Variants in TCERG1L observed in about 807,000 individuals in gnomAD.
TCERG1L encodes the protein transcription elongation regulator 1 like.
A neutral mutation model predicts 56.3 loss-of-function variants in TCERG1L; 37 were observed. The ratio of observed to expected loss-of-function variants is 0.66; its 90% confidence interval spans 0.51 to 0.87. The LOEUF (loss-of-function observed/expected upper bound fraction) is 0.87. Among genes scored for constraint, TCERG1L ranks in the 40% least tolerant of loss-of-function variants. The pLI, the probability that TCERG1L is intolerant of heterozygous loss-of-function variation, is 0.00. For synonymous variants in TCERG1L, 324 were observed against 326.3 expected (o/e 0.99, Z 0.08); for missense variants, 799 against 774.2 (o/e 1.03, Z -0.38).
chr10:131,261,795 C>G (rs1846239096), intron 3 of TCERG1L, among the ~76,000 whole-genome samples: 1 of 152,120 alleles, frequency 6.6e-6, no homozygotes, highest in Non-Finnish European at 1.5e-5. Flanking sequence ...ACTTTCCAGG[C>G]CGGTGGGCAT....
In TCERG1L at chr10:131,154,594, G is replaced by T. The variant is rs577524531; in HGVS notation, c.1035-7934C>A. Among the ~76,000 whole-genome samples the T allele has an allele frequency of 3.9e-5, 6 of 152,304 alleles. No homozygotes were observed. In the East Asian group the frequency reaches 1.2e-3, roughly 29 times the overall value. ...CCACCTTTTCTGGGGTTTTGTATCT[G>T]GGAAGGGCCCAACCTAGGCAGGACT... On this transcript the variant is annotated intron_variant, in intron 6 of 11. Coordinates refer to ENST00000368642, the MANE Select transcript of TCERG1L (RefSeq NM_174937.4).
intron 6 of TCERG1L, among the ~76,000 whole-genome samples, chr10:131,155,049 G>C (rs747221145): frequency 6.6e-6 from 1 of 152,190 alleles, no homozygotes; most frequent in Non-Finnish European, 1.5e-5. Context: ...CCAAGAGCAC[G>C]GGCTCCCCTA....
Position 131,093,306 on chromosome 10 carries a change from C to A in TCERG1L, c.1617G>T (p.Lys539Asn). ...ESKVSPRTTF[K>N]EFAEKYGRDQ... is the part of the protein sequence containing the mutation. ...CCCGGCCGTATTTCTCTGCAAACTC[C>A]TTAAACGTGGTCCTGAAAAAGAAAG... Residue 539 changes from lysine (K) to asparagine (N), a missense_variant, in exon 12 of 12, where the codon AAG becomes AAT. Transcript: ENST00000368642. 1 of 1,613,126 alleles carries A rather than the reference C, an allele frequency of 6.2e-7. No individual in the cohort carries two copies. Among genetic ancestry groups the A allele is most frequent in the Non-Finnish European group, 8.5e-7 (1 of 1,179,686 alleles).
chr10:131,188,649 G>A (rs965216745), intron 4 of TCERG1L, among the ~76,000 whole-genome samples: 1 of 152,128 alleles, frequency 6.6e-6, no homozygotes, highest in Non-Finnish European at 1.5e-5. Context: ...CAGTAATACT[G>A]ACTTGGGATA....
chr10:131,292,505 T>C (rs1351704440), intron 3 of TCERG1L, among the ~76,000 whole-genome samples: 1 of 152,252 alleles, frequency 6.6e-6, no homozygotes, highest in Non-Finnish European at 1.5e-5. Flanking sequence ...CTGTATAATT[T>C]TAGTTTCCAT....
Position 131,301,092 on chromosome 10 carries a change from G to A in TCERG1L, c.670+7119C>T, listed in dbSNP as rs1277845122. On this transcript the variant is annotated intron_variant, in intron 3 of 11. Coordinates refer to ENST00000368642, the MANE Select transcript of TCERG1L (RefSeq NM_174937.4). ...GCACCACAGAAAAGGATTCCTATATGTCCCTCTCCTTCCACCAGTGATAGG... is the reference window on the plus strand; with the variant it reads ...GCACCACAGAAAAGGATTCCTATATATCCCTCTCCTTCCACCAGTGATAGG... Among the ~76,000 whole-genome samples, 7 of 152,132 alleles carry A rather than the reference G, an allele frequency of 4.6e-5. 1 individual carries two copies. The East Asian group carries it at 1.4e-3, about 29-fold the overall frequency.
intron 3 of TCERG1L, among the ~76,000 whole-genome samples, chr10:131,280,072 C>T (rs1327417119): frequency 2.0e-5 from 3 of 152,214 alleles, no homozygotes; most frequent in African/African-American, 4.8e-5. Context: ...GACACAGCCT[C>T]AGGAGGTCCT....
At chr10:131,123,791 C>A (rs1331125991) in intron 8 of TCERG1L, among the ~76,000 whole-genome samples, 3 of 152,194 alleles carry the variant, frequency 2.0e-5, no homozygotes, top group Non-Finnish European at 4.4e-5. Flanking sequence ...CCCAGAGCTG[C>A]CTCTGGAGTG....
intron 3 of TCERG1L, among the ~76,000 whole-genome samples, chr10:131,306,846 C>T (rs1846823070): frequency 6.6e-6 from 1 of 152,026 alleles, no homozygotes; most frequent in Non-Finnish European, 1.5e-5. Context: ...ATATTTAGCA[C>T]ATTTATATAT....
intron 6 of TCERG1L, among the ~76,000 whole-genome samples, chr10:131,148,643 G>A (rs1439574524): frequency 1.4e-5 from 2 of 139,380 alleles, no homozygotes; most frequent in Non-Finnish European, 3.2e-5. Context: ...CACACACGGA[G>A]AGACAGAGAT....
At chr10:131,300,539 T>C (rs1393527282) in intron 3 of TCERG1L, among the ~76,000 whole-genome samples, 1 of 152,160 alleles carries the variant, frequency 6.6e-6, no homozygotes, top group Non-Finnish European at 1.5e-5. Context: ...CCAGCTTTCA[T>C]TTTTTCTAAT....
intron 4 of TCERG1L, among the ~76,000 whole-genome samples, chr10:131,245,285 A>G (rs890707741): frequency 6.6e-6 from 1 of 152,260 alleles, no homozygotes; most frequent in Non-Finnish European, 1.5e-5. Flanking sequence ...TGATAATTAC[A>G]GCATTTAATC....
intron 4 of TCERG1L, among the ~76,000 whole-genome samples, chr10:131,177,143 GAC>G (rs537802364): frequency 0.01 from 1,583 of 151,110 alleles, 31 homozygotes; most frequent in African/African-American, 0.031. Flanking sequence ...CACACACACA[GAC>G]ACGTGTACAC....
At chr10:131,174,819 C>G (rs181117257) in intron 4 of TCERG1L, among the ~76,000 whole-genome samples, 1 of 152,230 alleles carries the variant, frequency 6.6e-6, no homozygotes, top group East Asian at 1.9e-4. Flanking sequence ...TACCGAGAGG[C>G]AACTCCACCT....
chr10:131,311,077 A>T lies in TCERG1L; in HGVS notation c.342+217T>A, dbSNP rs1846886661. On this transcript the variant is annotated intron_variant, in intron 1 of 11. Transcript: ENST00000368642. This position sits in a 1 kb window ranked among gnomAD's most constrained non-coding sequence, Gnocchi z 4.0. ...TCCACGGCTCCGTCCAGACACCCGG[A>T]GGCACCTGCCAAAGCTGCGGAGGTG... Among the ~76,000 whole-genome samples the T allele has an allele frequency of 6.6e-6, 1 of 152,036 alleles. No homozygotes were observed. Among genetic ancestry groups the T allele is most frequent in the Non-Finnish European group, 1.5e-5 (1 of 68,000 alleles).
intron 4 of TCERG1L, among the ~76,000 whole-genome samples, chr10:131,185,458 G>A (rs11017809): frequency 0.18 from 27,766 of 151,982 alleles, 2,775 homozygotes; most frequent in Middle Eastern, 0.28. Context: ...CTTCAGAATG[G>A]GAGAAAATAT....
chr10:131,099,249 G>C (rs1330237645), intron 10 of TCERG1L, among the ~76,000 whole-genome samples: 1 of 152,220 alleles, frequency 6.6e-6, no homozygotes, highest in East Asian at 1.9e-4. Context: ...CTGGAACCTG[G>C]CAGCCCGCAT....
chr10:131,185,248 A>G (rs1845222954), intron 4 of TCERG1L, among the ~76,000 whole-genome samples: 1 of 152,364 alleles, frequency 6.6e-6, no homozygotes, highest in East Asian at 1.9e-4. Context: ...TTTGAAAGAC[A>G]GTATCAAGTA....
At chr10:131,181,678 A>C (rs922966932) in intron 4 of TCERG1L, among the ~76,000 whole-genome samples, 9 of 152,146 alleles carry the variant, frequency 5.9e-5, no homozygotes, top group Non-Finnish European at 1.3e-4. Flanking sequence ...CCCGGAGGAG[A>C]CCTGCAGTGG....
Sources: gnomAD v4.1 joint callset for allele counts (sites outside exome capture counted in the v4.1 genomes callset) on GRCh38, gnomAD v4.1.1 for gene constraint, Gnocchi (gnomAD v3.1) non-coding constraint, MANE v1.5 for transcripts, NCBI Gene and HGNC (gene_info 2026-07-23, HGNC 2026-07-21) for gene names.